Variants in MBP observed in about 807,000 individuals in gnomAD.
MBP encodes myelin basic protein, also known as Golli-MBP.
In MBP, 16 loss-of-function variants were observed where a neutral mutation model predicts 35.8. That is an observed-to-expected ratio of 0.45 (90% CI 0.30 to 0.68). The LOEUF (loss-of-function observed/expected upper bound fraction) is 0.68. MBP is among the 30% of genes least tolerant of loss of function. The pLI is 0.08. For synonymous variants in MBP, 143 were observed against 159.6 expected (o/e 0.90, Z 0.78); for missense variants, 380 against 404.7 (o/e 0.94, Z 0.52).
intron 3 of MBP, among the ~76,000 whole-genome samples, chr18:77,047,275 G>A (rs1039410662): frequency 2.6e-5 from 4 of 152,242 alleles, no homozygotes; most frequent in Non-Finnish European, 5.9e-5. Context: ...TGACGGTGAT[G>A]TGCACACACG....
chr18:77,100,508 G>T (rs372580350), intron 2 of MBP, among the ~76,000 whole-genome samples: 4 of 133,692 alleles, frequency 3.0e-5, no homozygotes, highest in African/African-American at 1.1e-4. Flanking sequence ...TAGAATTTGG[G>T]GTGTGTGTGT....
chr18:77,026,518 T>C (rs1972231653), intron 3 of MBP, among the ~76,000 whole-genome samples: 1 of 152,228 alleles, frequency 6.6e-6, no homozygotes, highest in South Asian at 2.1e-4. Flanking sequence ...TTCTTTTCAC[T>C]ACAATTAATT....
At chr18:77,081,819 T>TATATATACACACACTATATAC (rs1555726071) in intron 2 of MBP, among the ~76,000 whole-genome samples, 7 of 76,290 alleles carry the variant, frequency 9.2e-5, no homozygotes, top group East Asian at 1.5e-3. Context: ...CACACATATA[T>TATATATACACACACTATATAC]ACACACACAC....
chr18:77,046,754 C>T (rs1490632077), intron 3 of MBP, among the ~76,000 whole-genome samples: 1 of 152,238 alleles, frequency 6.6e-6, no homozygotes, highest in Non-Finnish European at 1.5e-5. Context: ...GTTCCTACGG[C>T]CCACCCTTCC....
chr18:76,979,031 C>T lies in MBP; in HGVS notation c.*1396G>A, dbSNP rs1969040750. The T allele has an allele frequency of 6.6e-6, 1 of 152,116 alleles. No homozygotes were observed. The highest frequency in any genetic ancestry group is 1.5e-5 in the Non-Finnish European group (1 of 68,034). 9.4% of individuals were successfully genotyped at this position (152,116 alleles called of 1,614,324 possible). On this transcript the variant is annotated 3_prime_UTR_variant, in exon 9 of 9. Coordinates refer to ENST00000355994, the MANE Select transcript of MBP (RefSeq NM_001025101.2). ...GTTTTGTTCTTTGTAACTCTCTCAT[C>T]ATCGAGGCTATATATTAATAGACAT...
At chr18:77,082,384 A>C (rs187352532) in intron 2 of MBP, among the ~76,000 whole-genome samples, 1 of 152,342 alleles carries the variant, frequency 6.6e-6, no homozygotes, top group Admixed American at 6.5e-5. Flanking sequence ...ATAAGTATGA[A>C]AAGTCCAGAA....
At position 77,102,171 on chromosome 18, in the gene MBP, C is replaced by T. The variant is rs1976051232; in HGVS notation, c.51+3040G>A. On this transcript the variant is annotated intron_variant, in intron 2 of 8. Coordinates refer to ENST00000355994, the MANE Select transcript of MBP (RefSeq NM_001025101.2). The surrounding 1 kb of genome is among the most constrained non-coding windows in gnomAD (Gnocchi z 4.4). ...TGGCAGCAGGGTGGGAAGGAGGGGG[C>T]CCTCAGCAGCCTGGGCCGGGCAGTG... Among the ~76,000 whole-genome samples the T allele has an allele frequency of 1.3e-5, 2 of 152,022 alleles. No individual in the cohort carries two copies. Among genetic ancestry groups the T allele is most frequent in the South Asian group, 2.1e-4 (1 of 4,812 alleles).
intron 4 of MBP, among the ~76,000 whole-genome samples, chr18:76,995,707 G>C (rs977552827): frequency 1.3e-5 from 2 of 152,108 alleles, no homozygotes; most frequent in African/African-American, 4.8e-5. Flanking sequence ...ATCATAGATC[G>C]TTATCTATGA....
intron 4 of MBP, among the ~76,000 whole-genome samples, chr18:77,001,260 T>C (rs893201486): frequency 3.3e-5 from 5 of 152,238 alleles, no homozygotes; most frequent in African/African-American, 1.2e-4. Context: ...GGCTTGGGGG[T>C]TCCTCGCCTG....
chr18:76,984,435 T>A, intron 8 of MBP: 1 of 287,082 alleles, frequency 3.5e-6, no homozygotes. Flanking sequence ...GACTCCTGCT[T>A]TAGCTCCCTG....
chr18:77,082,763 GGA>G (rs1263119691), intron 2 of MBP, among the ~76,000 whole-genome samples: 1,873 of 66,192 alleles, frequency 0.028, 1 homozygote, highest in South Asian at 0.045. Context: ...AGCAGCAGCT[GGA>G]CCAGGTGGTC....
At chr18:77,081,761 T>C (rs1182048332) in intron 2 of MBP, among the ~76,000 whole-genome samples, 1 of 122,882 alleles carries the variant, frequency 8.1e-6, no homozygotes, top group African/African-American at 3.1e-5. Context: ...TATATATATA[T>C]ATATATACAC....
At chr18:77,050,283 C>T (rs749790934) in intron 3 of MBP, among the ~76,000 whole-genome samples, 16 of 152,156 alleles carry the variant, frequency 1.1e-4, no homozygotes, top group Admixed American at 2.0e-4. Flanking sequence ...CTGACTGAGG[C>T]GCTTACTGGA....
At chr18:76,999,200 G>T (rs142591207) in intron 4 of MBP, among the ~76,000 whole-genome samples, 4 of 152,182 alleles carry the variant, frequency 2.6e-5, no homozygotes, top group African/African-American at 9.6e-5. Context: ...GGGCACTTAG[G>T]GGGTGAAGGT....
At chr18:77,048,285 GAAGGA>G (rs1973336455) in intron 3 of MBP, among the ~76,000 whole-genome samples, 1 of 152,226 alleles carries the variant, frequency 6.6e-6, no homozygotes, top group Non-Finnish European at 1.5e-5. Context: ...TGCAGAGGTA[GAAGGA>G]AAGCTGGGCC....
At chr18:77,084,340 A>G (rs1387231161) in intron 2 of MBP, among the ~76,000 whole-genome samples, 1 of 151,840 alleles carries the variant, frequency 6.6e-6, no homozygotes, top group Non-Finnish European at 1.5e-5. Context: ...GCATAAATAA[A>G]TGCCTGATGA....
intron 7 of MBP, 35 bp from the exon 8 acceptor site, chr18:76,984,929 C>A (rs149486356): frequency 6.2e-7 from 1 of 1,609,566 alleles, no homozygotes; most frequent in Non-Finnish European, 8.5e-7. Flanking sequence ...AACCTCCACC[C>A]GCGGTGCTGG....
intron 3 of MBP, among the ~76,000 whole-genome samples, chr18:77,023,059 T>C (rs1261907682): frequency 6.6e-6 from 1 of 152,208 alleles, no homozygotes; most frequent in African/African-American, 2.4e-5. Flanking sequence ...GCAGGAAAAC[T>C]TCCTTAAACA....
chr18:77,027,935 T>C (rs1972287203), intron 3 of MBP, among the ~76,000 whole-genome samples: 1 of 152,124 alleles, frequency 6.6e-6, no homozygotes, highest in Non-Finnish European at 1.5e-5. Flanking sequence ...GCCATCCTCC[T>C]GTCTTGGCTT....
Sources: allele counts gnomAD v4.1 joint callset (sites outside exome capture counted in the v4.1 genomes callset), GRCh38; gene constraint gnomAD v4.1.1; non-coding constraint Gnocchi (gnomAD v3.1); transcripts MANE v1.5; gene names NCBI Gene and HGNC (gene_info 2026-07-23, HGNC 2026-07-21).